The following PDGFD variants were observed in gnomAD, a reference collection of about 807,000 sequenced individuals.
PDGFD encodes the protein platelet derived growth factor D, also known as platelet-derived growth factor D.
A neutral mutation model predicts 44.7 loss-of-function variants in PDGFD; 30 were observed. That is an observed-to-expected ratio of 0.67 (90% confidence interval 0.50 to 0.91). The LOEUF (loss-of-function observed/expected upper bound fraction) is 0.91. Among genes scored for constraint, PDGFD ranks in the 40% least tolerant of loss-of-function variants. The pLI, the probability that PDGFD is intolerant of heterozygous loss-of-function variation, is 0.00. For missense variants in PDGFD, 445 were observed against 457.8 expected (o/e 0.97, Z 0.25); for synonymous variants, 173 against 168.4 (o/e 1.03, Z -0.21).
At chr11:103,937,560 A>C (rs1329130863) in intron 5 of PDGFD, among the ~76,000 whole-genome samples, 1 of 147,030 alleles carries the variant, frequency 6.8e-6, no homozygotes, top group African/African-American at 2.6e-5. Flanking sequence ...TTTTAATTTT[A>C]TGATTATTAT....
chr11:103,958,139 C>T (rs1289554111), intron 3 of PDGFD, among the ~76,000 whole-genome samples: 2 of 151,918 alleles, frequency 1.3e-5, no homozygotes, highest in African/African-American at 4.8e-5. Flanking sequence ...ATATGAAATA[C>T]TTTCCATAAA....
intron 1 of PDGFD, among the ~76,000 whole-genome samples, chr11:104,133,306 A>G (rs1379124799): frequency 6.6e-6 from 1 of 152,142 alleles, no homozygotes; most frequent in African/African-American, 2.4e-5. Flanking sequence ...ATTAGGAACA[A>G]TTTTCATCAA....
At chr11:104,006,628 C>G (rs1247585804) in intron 1 of PDGFD, among the ~76,000 whole-genome samples, 5 of 152,254 alleles carry the variant, frequency 3.3e-5, no homozygotes, top group Non-Finnish European at 7.4e-5. Flanking sequence ...CCCCAGGCTC[C>G]AGAAGCAGAT....
chr11:104,078,175 C>A (rs1860994283), intron 1 of PDGFD, among the ~76,000 whole-genome samples: 1 of 152,200 alleles, frequency 6.6e-6, no homozygotes, highest in African/African-American at 2.4e-5. Flanking sequence ...TAAAACACTT[C>A]TTTGGATCCA....
At chr11:104,036,630 C>A (rs1039402008) in intron 1 of PDGFD, 1 of 600,050 alleles carries the variant, frequency 1.7e-6, no homozygotes, top group Non-Finnish European at 3.0e-6. Flanking sequence ...CACCTGGCCA[C>A]ACAGCAGGCA....
At chr11:104,008,232 G>A (rs1392173480) in intron 1 of PDGFD, among the ~76,000 whole-genome samples, 1 of 152,162 alleles carries the variant, frequency 6.6e-6, no homozygotes, top group Admixed American at 6.6e-5. Flanking sequence ...CACCTCAATA[G>A]TTTTCTTCCA....
At chr11:104,000,860 C>T (rs1188382852) in intron 1 of PDGFD, among the ~76,000 whole-genome samples, 1 of 152,138 alleles carries the variant, frequency 6.6e-6, no homozygotes, top group Non-Finnish European at 1.5e-5. Flanking sequence ...TTTCTCTATG[C>T]TGTTAGCCAG....
intron 3 of PDGFD, among the ~76,000 whole-genome samples, chr11:103,964,378 C>A (rs906203605): frequency 2.6e-5 from 4 of 152,108 alleles, no homozygotes; most frequent in African/African-American, 4.8e-5. Flanking sequence ...GTTGTTAATG[C>A]AGCATAACCT....
At chr11:104,109,424 C>T (rs1861518815) in intron 1 of PDGFD, among the ~76,000 whole-genome samples, 2 of 152,074 alleles carry the variant, frequency 1.3e-5, no homozygotes, top group Admixed American at 1.3e-4. Context: ...GACCCTTGGA[C>T]CATACTTTCC....
At chr11:104,093,582 T>C (rs1591160100) in intron 1 of PDGFD, among the ~76,000 whole-genome samples, 1 of 151,986 alleles carries the variant, frequency 6.6e-6, no homozygotes, top group East Asian at 1.9e-4. Flanking sequence ...CTTCCCACAG[T>C]TTCCTTCTAA....
At chr11:103,978,455 A>C (rs567604301) in intron 3 of PDGFD, among the ~76,000 whole-genome samples, 46 of 152,180 alleles carry the variant, frequency 3.0e-4, no homozygotes, top group African/African-American at 1.1e-3. Context: ...AAAACAAATT[A>C]ATTAAGATGT....
At chr11:103,946,788 C>T (rs1858673783) in intron 4 of PDGFD, among the ~76,000 whole-genome samples, 1 of 152,176 alleles carries the variant, frequency 6.6e-6, no homozygotes, top group Non-Finnish European at 1.5e-5. Flanking sequence ...AGATGAGGTT[C>T]TAGTCCAGCA....
In PDGFD at chr11:103,929,865, G is replaced by A. The variant is rs77026319; in HGVS notation, c.773-2739C>T. On this transcript the variant is annotated intron_variant, in intron 5 of 6. Coordinates refer to ENST00000393158, the MANE Select transcript of PDGFD (RefSeq NM_025208.5). Reference sequence around the variant, plus strand: ...AGCAATTAAGGTTTCTGGTGCTTGGGTTAGAAGGAGAATTCTAGAGTGAGA... The same window carrying A: ...AGCAATTAAGGTTTCTGGTGCTTGGATTAGAAGGAGAATTCTAGAGTGAGA... Among the ~76,000 whole-genome samples the A allele has an allele frequency of 1.0e-2, 1,519 of 152,218 alleles. 25 individuals carry two copies. Among genetic ancestry groups the A allele is most frequent in the African/African-American group, 0.035 (1,465 of 41,546 alleles).
intron 1 of PDGFD, among the ~76,000 whole-genome samples, chr11:104,156,399 C>T (rs137929222): frequency 0.011 from 1,724 of 152,088 alleles, 27 homozygotes; most frequent in Middle Eastern, 0.048. Flanking sequence ...AAAAATGAAT[C>T]CTAACATATA....
At chr11:104,009,663 T>A (rs533061853) in intron 1 of PDGFD, among the ~76,000 whole-genome samples, 3 of 152,076 alleles carry the variant, frequency 2.0e-5, no homozygotes, top group Non-Finnish European at 4.4e-5. Flanking sequence ...TAGGTCAATT[T>A]GTACAACAGA....
chr11:103,991,177 T>C (rs1336752610), intron 3 of PDGFD, among the ~76,000 whole-genome samples: 3 of 152,058 alleles, frequency 2.0e-5, no homozygotes, highest in Non-Finnish European at 4.4e-5. Flanking sequence ...AGGAGGATGA[T>C]GCTCACCTTT....
chr11:104,017,916 T>C (rs933211769), intron 1 of PDGFD, among the ~76,000 whole-genome samples: 1 of 152,160 alleles, frequency 6.6e-6, no homozygotes, highest in Non-Finnish European at 1.5e-5. Context: ...GCCATTTATA[T>C]CTCCAGAAAG....
At position 104,138,779 on chromosome 11, in the gene PDGFD, T is replaced by C. The variant is rs544068301; in HGVS notation, c.124+25025A>G. Among the ~76,000 whole-genome samples the C allele has an allele frequency of 3.3e-5, 5 of 152,308 alleles. No homozygotes were observed. In the East Asian group the frequency reaches 9.6e-4, roughly 29 times the overall value. On this transcript the variant is annotated intron_variant, in intron 1 of 6. Coordinates refer to ENST00000393158, the MANE Select transcript of PDGFD (RefSeq NM_025208.5). ...GTACAGTATGGAGTCTCATTTTTTT[T>C]GAGATGGAGTCTCATTCTGTTGCCC...
intron 1 of PDGFD, chr11:104,038,292 T>C: frequency 2.6e-6 from 1 of 390,678 alleles, no homozygotes; most frequent in Non-Finnish European, 4.8e-6. Context: ...AACCAGCTTC[T>C]TCCTTTAGAG....
Sources: allele counts gnomAD v4.1 joint callset (sites outside exome capture counted in the v4.1 genomes callset), GRCh38; gene constraint gnomAD v4.1.1; transcripts MANE v1.5; gene names NCBI Gene and HGNC (gene_info 2026-07-23, HGNC 2026-07-21).